Variants in TAFA1 observed in about 807,000 individuals in gnomAD.
TAFA1 encodes chemokine-like protein TAFA-1.
In TAFA1, 4 loss-of-function variants were observed where a neutral mutation model predicts 18.5. The observed-to-expected ratio is 0.22, with a 90% CI of 0.11 to 0.49. TAFA1 has a LOEUF of 0.49. Among genes scored for constraint, TAFA1 ranks in the 20% least tolerant of loss-of-function variants. TAFA1 has a pLI of 0.98. For missense variants in TAFA1, 147 were observed against 169.0 expected (o/e 0.87, Z 0.72); for synonymous variants, 56 against 55.2 (o/e 1.01, Z -0.06).
At chr3:68,187,183 G>A (rs1204944337) in intron 2 of TAFA1, among the ~76,000 whole-genome samples, 1 of 151,920 alleles carries the variant, frequency 6.6e-6, no homozygotes, top group Non-Finnish European at 1.5e-5. Context: ...TGTCCTCCAT[G>A]CAAAATTTGA....
At chr3:68,308,203 T>A (rs79066806) in intron 2 of TAFA1, among the ~76,000 whole-genome samples, 3,096 of 152,266 alleles carry the variant, frequency 0.02, 42 homozygotes, top group Admixed American at 0.024. Flanking sequence ...CTGAAGGTAA[T>A]TGTCTTATAT....
At chr3:68,009,668 T>G (rs1704432022) in intron 2 of TAFA1, among the ~76,000 whole-genome samples, 1 of 152,202 alleles carries the variant, frequency 6.6e-6, no homozygotes, top group Admixed American at 6.5e-5. Flanking sequence ...CTTTCTTTGG[T>G]TTTTGACAAT....
At chr3:67,999,658 T>C (rs934862086), upstream of TAFA1, among the ~76,000 whole-genome samples, 3 of 152,114 alleles carry the variant, frequency 2.0e-5, no homozygotes, top group African/African-American at 2.4e-5. Context: ...CCTTTTTTTT[T>C]CTTCTAGCAA....
intron 3 of TAFA1, among the ~76,000 whole-genome samples, chr3:68,469,442 A>T (rs968599529): frequency 6.6e-6 from 1 of 152,148 alleles, no homozygotes; most frequent in Non-Finnish European, 1.5e-5. Context: ...TGGGAGGCCA[A>T]AGCGGGTGGA....
chr3:68,517,461 C>T (rs1036649433), intron 3 of TAFA1, among the ~76,000 whole-genome samples: 3 of 152,142 alleles, frequency 2.0e-5, no homozygotes, highest in African/African-American at 7.2e-5. Context: ...TGTTTATAAA[C>T]CAAGACTACC....
chr3:68,192,747 A>G (rs1434360404), intron 2 of TAFA1, among the ~76,000 whole-genome samples: 80 of 151,820 alleles, frequency 5.3e-4, no homozygotes, highest in Non-Finnish European at 1.0e-4. Flanking sequence ...ATGATTTAGT[A>G]GGGAAATAAA....
intron 2 of TAFA1, among the ~76,000 whole-genome samples, chr3:68,270,944 A>G (rs1195987848): frequency 2.0e-5 from 3 of 152,200 alleles, no homozygotes; most frequent in Non-Finnish European, 4.4e-5. Context: ...TCTTAAAAAC[A>G]TTGATTTTCC....
intron 2 of TAFA1, among the ~76,000 whole-genome samples, chr3:68,279,266 G>A (rs542244657): frequency 6.6e-6 from 1 of 152,252 alleles, no homozygotes; most frequent in East Asian, 1.9e-4. Flanking sequence ...TGTCCTTCAT[G>A]AGAAATTTGG....
chr3:68,422,016 T>C (rs2070963169), intron 3 of TAFA1, among the ~76,000 whole-genome samples: 1 of 152,106 alleles, frequency 6.6e-6, no homozygotes, highest in Non-Finnish European at 1.5e-5. Flanking sequence ...AAATCACCCA[T>C]GATATCATTG....
chr3:68,471,506 C>G (rs1010785094), intron 3 of TAFA1, among the ~76,000 whole-genome samples: 2 of 152,170 alleles, frequency 1.3e-5, no homozygotes, highest in African/African-American at 4.8e-5. Flanking sequence ...CATGGGAGGC[C>G]ACTTCTTGTA....
At chr3:68,070,888 C>G (rs1048747396) in intron 2 of TAFA1, among the ~76,000 whole-genome samples, 3 of 152,206 alleles carry the variant, frequency 2.0e-5, no homozygotes, top group Non-Finnish European at 2.9e-5. Context: ...CTGATAACAC[C>G]TTGGTCAGGA....
At chr3:68,098,893 A>G (rs1469341721) in intron 2 of TAFA1, among the ~76,000 whole-genome samples, 1 of 152,138 alleles carries the variant, frequency 6.6e-6, no homozygotes, top group Non-Finnish European at 1.5e-5. Flanking sequence ...AGACAAAAAT[A>G]AGCCCTGGAG....
chr3:68,468,058 T>C (rs2071924636), intron 3 of TAFA1, among the ~76,000 whole-genome samples: 1 of 152,210 alleles, frequency 6.6e-6, no homozygotes, highest in African/African-American at 2.4e-5. Context: ...TTAAATTCTC[T>C]TAAATTTTCT....
intron 2 of TAFA1, among the ~76,000 whole-genome samples, chr3:68,175,259 C>G (rs13075003): frequency 0.19 from 29,009 of 152,184 alleles, 3,152 homozygotes; most frequent in Middle Eastern, 0.29. Context: ...AACACAGAGT[C>G]CCTACTGGGG....
intron 3 of TAFA1, among the ~76,000 whole-genome samples, chr3:68,459,329 T>C (rs1056438469): frequency 6.6e-6 from 1 of 152,190 alleles, no homozygotes; most frequent in African/African-American, 2.4e-5. Context: ...TTTAAAATAG[T>C]AGACAGGTTT....
chr3:68,452,067 G>T (rs904917556), intron 3 of TAFA1, among the ~76,000 whole-genome samples: 1 of 152,076 alleles, frequency 6.6e-6, no homozygotes, highest in African/African-American at 2.4e-5. Context: ...AGGATGGCTG[G>T]GAGAAAACAA....
chr3:68,017,456 G>A (rs936969201), intron 2 of TAFA1, among the ~76,000 whole-genome samples: 1 of 152,188 alleles, frequency 6.6e-6, no homozygotes, highest in African/African-American at 2.4e-5. Flanking sequence ...GCCTAGATGT[G>A]ATTTTAGAAT....
At chr3:68,406,169 G>A (rs1296346133) in intron 2 of TAFA1, among the ~76,000 whole-genome samples, 1 of 152,092 alleles carries the variant, frequency 6.6e-6, no homozygotes, top group Non-Finnish European at 1.5e-5. Flanking sequence ...AATCTTTTAT[G>A]TCAGTGTTTT....
At chr3:68,078,597 A>C in intron 2 of TAFA1, among the ~76,000 whole-genome samples, 1 of 151,992 alleles carries the variant, frequency 6.6e-6, no homozygotes, top group East Asian at 1.9e-4. Context: ...GGCTCTGTTT[A>C]TATGCTGGAT....
Sources: gnomAD v4.1 joint callset for allele counts (sites outside exome capture counted in the v4.1 genomes callset) on GRCh38, gnomAD v4.1.1 for gene constraint, MANE v1.5 for transcripts, NCBI Gene and HGNC (gene_info 2026-07-23, HGNC 2026-07-21) for gene names.